Variants in RFFL observed in about 807,000 individuals in gnomAD.
RFFL encodes the protein ring finger and FYVE like domain containing E3 ubiquitin protein ligase.
A neutral mutation model predicts 40.4 loss-of-function variants in RFFL; 16 were observed. That is an observed-to-expected ratio of 0.40 (90% CI 0.27 to 0.60). The LOEUF (loss-of-function observed/expected upper bound fraction) is 0.60, where lower values mean the gene tolerates loss of function less well. Among genes scored for constraint, RFFL ranks in the 20% least tolerant of loss-of-function variants. The pLI is 0.47. For synonymous variants in RFFL, 154 were observed against 167.9 expected, an observed-to-expected ratio of 0.92 and a Z score of 0.64; for missense variants, 367 against 451.7, an observed-to-expected ratio of 0.81 and a Z score of 1.70.
In RFFL at chr17:35,027,218, C is replaced by T. The variant is rs149474298; in HGVS notation, c.-8-657G>A. 2.6e-3 allele frequency among the ~76,000 whole-genome samples: 401 copies of T among 152,274 alleles called. 2 individuals are homozygous for T. Among genetic ancestry groups the T allele is most frequent in the South Asian group, 0.015 (71 of 4,818 alleles). On this transcript the variant is annotated intron_variant, in intron 1 of 6. Transcript: ENST00000394597. ...GTAAAACTACTCTTACATTTGTACC[C>T]CCAATCCTAGATAAACTTCTATCAC...
At chr17:35,033,438 G>C (rs915774960) in intron 1 of RFFL, among the ~76,000 whole-genome samples, 5 of 151,866 alleles carry the variant, frequency 3.3e-5, no homozygotes, top group Admixed American at 2.6e-4. Flanking sequence ...TGAGACAAGA[G>C]AATCACTTGA....
chr17:35,057,980 A>C (rs2091270274), intron 1 of RFFL, among the ~76,000 whole-genome samples: 2 of 152,114 alleles, frequency 1.3e-5, no homozygotes, highest in South Asian at 4.2e-4. Context: ...TCATATAAAT[A>C]TTGAATTATG....
chr17:35,039,956 T>A lies in RFFL; in HGVS notation c.-8-13395A>T, dbSNP rs566090734. On this transcript the variant is annotated intron_variant, in intron 1 of 6. Coordinates refer to ENST00000394597, the MANE Select transcript of RFFL (RefSeq NM_001017368.2). ...TCCCAAAGTGCTGGGATTACAGGCA[T>A]GAGCCACCGCATCTGGCCGACTCCA... Among the ~76,000 whole-genome samples, 4 of 152,234 alleles carry A rather than the reference T, an allele frequency of 2.6e-5. No homozygotes were observed. In the South Asian group the frequency reaches 8.3e-4, roughly 32 times the overall value.
At chr17:35,013,826 T>A (rs1344522367) in intron 6 of RFFL, among the ~76,000 whole-genome samples, 1 of 152,106 alleles carries the variant, frequency 6.6e-6, no homozygotes, top group Admixed American at 6.5e-5. Context: ...ATCAGCCTGA[T>A]CTTGGTACCG....
At chr17:35,050,025 A>T (rs981940476) in intron 1 of RFFL, among the ~76,000 whole-genome samples, 1 of 151,446 alleles carries the variant, frequency 6.6e-6, no homozygotes, top group Non-Finnish European at 1.5e-5. Flanking sequence ...GAGGTTGCAG[A>T]GAGCTGAGAT....
At chr17:35,048,405 A>AAATT (rs747599874) in intron 1 of RFFL, among the ~76,000 whole-genome samples, 2 of 152,124 alleles carry the variant, frequency 1.3e-5, no homozygotes, top group African/African-American at 4.8e-5. Context: ...CCATCTCAAA[A>AAATT]AATTAATTAA....
intron 1 of RFFL, among the ~76,000 whole-genome samples, chr17:35,084,665 A>ATCACATGAGGTCAGGCGGGCG (rs2091420451): frequency 6.6e-6 from 1 of 151,056 alleles, no homozygotes; most frequent in African/African-American, 2.4e-5. Context: ...TGAGGCGGGC[A>ATCACATGAGGTCAGGCGGGCG]GATCACATGA....
chr17:35,062,645 T>C (rs1273207426), intron 1 of RFFL, among the ~76,000 whole-genome samples: 1 of 152,124 alleles, frequency 6.6e-6, no homozygotes, highest in Non-Finnish European at 1.5e-5. Flanking sequence ...CTGAAACCAG[T>C]TGGCCAGATT....
chr17:35,021,759 T>G lies in RFFL; in HGVS notation c.203A>C (p.Lys68Thr), dbSNP rs1239244391. ...ARKQTCLDCKKNFCMTCSSQV... is the reference protein window; with the variant it reads ...ARKQTCLDCKTNFCMTCSSQV... ...GCTCGAACAGGTCATGCAAAAATTT[T>G]TCTTACAGTCCAAGCAGGTCTGCTG... Residue 68 changes from lysine to threonine, a missense_variant, in exon 3 of 7, where the codon AAA becomes ACA. Lys to Thr is a moderately conservative substitution (Grantham distance 78, BLOSUM62 -1). Transcript: ENST00000394597. 4 of 1,614,246 alleles carry G rather than the reference T, an allele frequency of 2.5e-6. No individual in the cohort carries two copies. Among genetic ancestry groups the G allele is most frequent in the African/African-American group, 1.3e-5 (1 of 75,060 alleles).
Position 35,009,216 on chromosome 17 carries a change from T to TTAA in RFFL, c.*2749_*2751dup. On this transcript the variant is annotated 3_prime_UTR_variant, in exon 7 of 7. Coordinates refer to ENST00000394597, the MANE Select transcript of RFFL (RefSeq NM_001017368.2). ...ACCTCCAAGTAAGTCTGAGAAAATC[T>TTAA]TAATAAAAGCCACTTGAAGTAACAA... is the stretch of plus-strand genomic sequence containing the variant. 6.5e-6 allele frequency: 1 copy of TTAA among 152,786 alleles called. No individual in the cohort carries two copies. Among genetic ancestry groups the TTAA allele is most frequent in the East Asian group, 1.9e-4 (1 of 5,194 alleles). 9.5% of individuals were successfully genotyped at this position (152,786 alleles called of 1,614,324 possible).
chr17:35,031,269 G>A (rs2091081350), intron 1 of RFFL, among the ~76,000 whole-genome samples: 1 of 151,918 alleles, frequency 6.6e-6, no homozygotes, highest in South Asian at 2.1e-4. Context: ...ACCATGCCTG[G>A]CTAATTTTTG....
intron 1 of RFFL, among the ~76,000 whole-genome samples, chr17:35,083,611 T>A (rs1488710248): frequency 6.6e-6 from 1 of 151,218 alleles, no homozygotes; most frequent in Non-Finnish European, 1.5e-5. Context: ...TGAAACCCCA[T>A]CCCTACAAAA....
chr17:35,031,763 C>T (rs2091084474), intron 1 of RFFL, among the ~76,000 whole-genome samples: 1 of 151,538 alleles, frequency 6.6e-6, no homozygotes, highest in African/African-American at 2.4e-5. Context: ...AAGGAATTTT[C>T]AACAGAAAAC....
chr17:35,035,005 C>A (rs2091111308), intron 1 of RFFL, among the ~76,000 whole-genome samples: 1 of 152,224 alleles, frequency 6.6e-6, no homozygotes, highest in Admixed American at 6.5e-5. Context: ...GAGAACCCAT[C>A]TTCCTCCACA....
At chr17:35,055,671 C>CAAAA (rs1475235052) in intron 1 of RFFL, among the ~76,000 whole-genome samples, 8 of 125,892 alleles carry the variant, frequency 6.4e-5, no homozygotes, top group African/African-American at 1.2e-4. Context: ...AACTCCATCT[C>CAAAA]AAAAAAAAAC....
At chr17:35,083,419 G>A (rs975285313) in intron 1 of RFFL, among the ~76,000 whole-genome samples, 4 of 152,122 alleles carry the variant, frequency 2.6e-5, no homozygotes, top group East Asian at 3.8e-4. Flanking sequence ...ATAGCATAAC[G>A]ATTCTATTAG....
At chr17:35,045,761 C>A (rs183981240) in intron 1 of RFFL, among the ~76,000 whole-genome samples, 1 of 152,006 alleles carries the variant, frequency 6.6e-6, no homozygotes, top group African/African-American at 2.4e-5. Context: ...CAGTGGCTCA[C>A]GCCTGTAATC....
chr17:35,073,043 C>CAGAA (rs1555564631), intron 1 of RFFL, among the ~76,000 whole-genome samples: 1 of 143,344 alleles, frequency 7.0e-6, no homozygotes, highest in Non-Finnish European at 1.5e-5. Context: ...AACTCCGTCT[C>CAGAA]AAAAAAAAAA....
At chr17:35,053,070 A>G (rs563102198) in intron 1 of RFFL, among the ~76,000 whole-genome samples, 2 of 152,370 alleles carry the variant, frequency 1.3e-5, no homozygotes, top group African/African-American at 4.8e-5. Flanking sequence ...GGTGGACTGG[A>G]GCCAGACTGA....
Sources: allele counts gnomAD v4.1 joint callset (sites outside exome capture counted in the v4.1 genomes callset), GRCh38; gene constraint gnomAD v4.1.1; transcripts MANE v1.5; gene names NCBI Gene and HGNC (gene_info 2026-07-23, HGNC 2026-07-21).